PIK3C2G: variants seen among roughly 807,000 people sequenced by gnomAD.
The protein encoded by PIK3C2G is phosphatidylinositol-4-phosphate 3-kinase catalytic subunit type 2 gamma.
Under a neutral mutation model 181.1 loss-of-function variants are expected in PIK3C2G, and 168 were observed. That is an observed-to-expected ratio of 0.93 (90% CI 0.82 to 1.05). PIK3C2G has a LOEUF of 1.05. Among genes scored for constraint, PIK3C2G ranks in the 50% least tolerant of loss-of-function variants. The probability of loss-of-function intolerance (pLI) is 0.00; values close to 1 mark genes in which losing one functional copy is unlikely to be tolerated. For missense variants in PIK3C2G, 1,869 were observed against 1,732.8 expected (o/e 1.08, Z -1.40); for synonymous variants, 573 against 592.2 (o/e 0.97, Z 0.47).
chr12:18,433,950 C>T (rs1308858676), intron 18 of PIK3C2G, among the ~76,000 whole-genome samples: 1 of 152,070 alleles, frequency 6.6e-6, no homozygotes, highest in African/African-American at 2.4e-5. Flanking sequence ...TGGGACTTAC[C>T]CAGAATCCTT....
chr12:18,328,732 T>C (rs1347403252), intron 8 of PIK3C2G, among the ~76,000 whole-genome samples: 1 of 152,032 alleles, frequency 6.6e-6, no homozygotes, highest in Non-Finnish European at 1.5e-5. Context: ...TAGTATAATA[T>C]AGTGATGGAA....
At chr12:18,582,190 G>T (rs12815636) in intron 29 of PIK3C2G, among the ~76,000 whole-genome samples, 24,779 of 151,998 alleles carry the variant, frequency 0.16, 2,191 homozygotes, top group East Asian at 0.25. Flanking sequence ...CAGCACCTGC[G>T]ATTGAAGCAT....
rs1009256290 is a variant in PIK3C2G, at chr12:18,261,554, A to T, written c.-102A>T. 2.6e-5 allele frequency: 4 copies of T among 152,132 alleles called. No homozygotes were observed. The highest frequency in any genetic ancestry group is 6.6e-5 in the Admixed American group (1 of 15,260). The allele number at this position is 152,132 out of a possible 1,614,324, so 9.4% of individuals were successfully genotyped here. A position where few individuals can be genotyped will look rare whatever the true frequency, so the allele number is the denominator to read the frequency against. On this transcript the variant is annotated 5_prime_UTR_variant, in exon 1 of 33. Transcript: ENST00000538779. The stretch of plus-strand genomic sequence containing the variant: ...TTGAAAAGAAATGAGATCGTGTTTC[A>T]TTTCAGGAAGATATATGCGTCAGGT...
At chr12:18,399,163 C>A (rs1259798583) in intron 15 of PIK3C2G, among the ~76,000 whole-genome samples, 1 of 143,274 alleles carries the variant, frequency 7.0e-6, no homozygotes, top group Non-Finnish European at 1.5e-5. Flanking sequence ...CCACTGCACT[C>A]CAGCCTGGGT....
intron 29 of PIK3C2G, among the ~76,000 whole-genome samples, chr12:18,576,532 T>C (rs1053669673): frequency 6.6e-6 from 1 of 152,156 alleles, no homozygotes; most frequent in Non-Finnish European, 1.5e-5. Flanking sequence ...TATAATAATA[T>C]TAGTAGTAGG....
chr12:18,606,012 G>C lies in PIK3C2G; in HGVS notation c.4088-3523G>C, dbSNP rs143819425. 6.2e-3 allele frequency among the ~76,000 whole-genome samples: 943 copies of C among 152,176 alleles called. 5 individuals carry two copies. The highest frequency in any genetic ancestry group is 0.031 in the Middle Eastern group (9 of 294). On this transcript the variant is annotated intron_variant, in intron 30 of 32. Coordinates refer to ENST00000538779, the MANE Select transcript of PIK3C2G (RefSeq NM_001288772.2). ...TGCGTTACTGTACATAAAGCTCTTA[G>C]CCTGGCATACAGTCAAAGCTACAGA...
At chr12:18,623,410 C>T (rs776576881) in intron 31 of PIK3C2G, among the ~76,000 whole-genome samples, 19 of 151,728 alleles carry the variant, frequency 1.3e-4, no homozygotes, top group Non-Finnish European at 2.1e-4. Context: ...TTTATTTGTA[C>T]GCCAGTACTA....
At position 18,554,013 on chromosome 12, in the gene PIK3C2G, A is replaced by G. The variant is rs115670531; in HGVS notation, c.3590+7581A>G. ...TCAGTTATGTTTTATAAATACAGCA[A>G]TTGAGTCTCCTGAAGTCATTCAACA... On this transcript the variant is annotated intron_variant, in intron 26 of 32. Transcript: ENST00000538779. Among the ~76,000 whole-genome samples, 1,150 of 152,176 alleles carry G rather than the reference A, an allele frequency of 7.6e-3. 12 individuals are homozygous for G. Among genetic ancestry groups the G allele is most frequent in the African/African-American group, 0.026 (1,089 of 41,536 alleles).
chr12:18,668,286 C>T, the PIK3C2G span, among the ~76,000 whole-genome samples: 6 of 152,318 alleles, frequency 3.9e-5, no homozygotes, highest in South Asian at 2.1e-4. Flanking sequence ...TTTACATGAA[C>T]CTTCCCTACG....
intron 12 of PIK3C2G, among the ~76,000 whole-genome samples, chr12:18,370,062 T>A (rs1171688014): frequency 6.6e-6 from 1 of 151,942 alleles, no homozygotes; most frequent in Non-Finnish European, 1.5e-5. Flanking sequence ...ATAATTGACA[T>A]ATGATCATAT....
chr12:18,381,296 T>C (rs1392723699), intron 13 of PIK3C2G, among the ~76,000 whole-genome samples: 1 of 152,156 alleles, frequency 6.6e-6, no homozygotes, highest in Non-Finnish European at 1.5e-5. Context: ...GCTATGCTAA[T>C]TTAAATCTTT....
intron 28 of PIK3C2G, among the ~76,000 whole-genome samples, chr12:18,566,211 A>C (rs1945625700): frequency 1.3e-5 from 2 of 152,094 alleles, no homozygotes; most frequent in Non-Finnish European, 2.9e-5. Context: ...ACTATCCTCC[A>C]TGTTCATTTC....
the PIK3C2G span, among the ~76,000 whole-genome samples, chr12:18,657,667 C>T: frequency 6.6e-6 from 1 of 152,108 alleles, no homozygotes; most frequent in Admixed American, 6.5e-5. Context: ...AGGCACTAAA[C>T]AAACAACTAC....
chr12:18,577,007 G>A (rs1412327232), intron 29 of PIK3C2G, among the ~76,000 whole-genome samples: 3 of 152,168 alleles, frequency 2.0e-5, no homozygotes, highest in African/African-American at 4.8e-5. Context: ...AAATTGTCAG[G>A]TTTGGGCTAT....
intron 29 of PIK3C2G, among the ~76,000 whole-genome samples, chr12:18,589,427 A>T (rs986766093): frequency 5.3e-5 from 8 of 151,342 alleles, no homozygotes; most frequent in African/African-American, 1.9e-4. Flanking sequence ...GTGCAGAGAA[A>T]TGTAGGTCAA....
intron 26 of PIK3C2G, among the ~76,000 whole-genome samples, chr12:18,557,291 C>T (rs1014957222): frequency 3.0e-4 from 45 of 151,668 alleles, no homozygotes; most frequent in Admixed American, 2.0e-3. Context: ...ATAATTAATA[C>T]GATCCCAGAG....
chr12:18,576,212 T>G (rs940406013), intron 29 of PIK3C2G, among the ~76,000 whole-genome samples: 2 of 152,222 alleles, frequency 1.3e-5, no homozygotes, highest in East Asian at 3.8e-4. Flanking sequence ...TTCACTTCAG[T>G]GCATAATCCC....
At chr12:18,506,728 T>C (rs1000724720) in intron 24 of PIK3C2G, among the ~76,000 whole-genome samples, 1 of 152,154 alleles carries the variant, frequency 6.6e-6, no homozygotes, top group Admixed American at 6.5e-5. Context: ...AAATCAGAAG[T>C]TGAACACTAA....
intron 30 of PIK3C2G, among the ~76,000 whole-genome samples, chr12:18,602,961 G>A (rs115237591): frequency 0.012 from 1,891 of 152,120 alleles, 51 homozygotes; most frequent in African/African-American, 0.043. Flanking sequence ...GAAAAAACAA[G>A]GCTCATCAAC....
Sources: gnomAD v4.1 joint callset for allele counts (sites outside exome capture counted in the v4.1 genomes callset) on GRCh38, gnomAD v4.1.1 for gene constraint, MANE v1.5 for transcripts, NCBI Gene and HGNC (gene_info 2026-07-23, HGNC 2026-07-21) for gene names.